DMD: variants seen among roughly 807,000 people sequenced by gnomAD.
The protein encoded by DMD is mutant dystrophin.
In DMD, 63 loss-of-function variants were observed where a neutral mutation model predicts 330.1. That is an observed-to-expected ratio of 0.19 (90% CI 0.16 to 0.24). DMD has a LOEUF of 0.24. Among genes scored for constraint, DMD ranks in the 10% least tolerant of loss-of-function variants. The pLI, the probability that DMD is intolerant of heterozygous loss-of-function variation, is 1.00. For synonymous variants in DMD, 1,223 were observed against 959.8 expected, an observed-to-expected ratio of 1.27 and a Z score of -5.07; for missense variants, 3,344 against 2,684.1, an observed-to-expected ratio of 1.25 and a Z score of -5.43.
At chrX:32,360,655 C>A (rs893053694) in intron 37 of DMD, among the ~76,000 whole-genome samples, 1 of 108,339 alleles carries the variant, frequency 9.2e-6, no homozygotes, top group African/African-American at 3.4e-5. Flanking sequence ...GGTGTCACGG[C>A]GCCCGCCCGT....
At chrX:31,622,586 CTA>C (rs1397695890) in intron 55 of DMD, among the ~76,000 whole-genome samples, 1 of 109,730 alleles carries the variant, frequency 9.1e-6, no homozygotes, top group Non-Finnish European at 1.9e-5. Context: ...TCTCTCTTTG[CTA>C]TGTTAGGACA....
At position 32,783,185 on chromosome X, in the gene DMD, AC is replaced by A. The variant is rs1260495742; in HGVS notation, c.649+26307del. On this transcript the variant is annotated intron_variant, in intron 7 of 78. Transcript: ENST00000357033. The stretch of plus-strand genomic sequence containing the variant: ...ATATATGGCATATACACACATATAT[AC>A]CATATATGTATACATATACACATAT... Among the ~76,000 whole-genome samples the A allele has an allele frequency of 3.1e-5, 3 of 95,417 alleles. No homozygotes were observed. In the Admixed American group the frequency reaches 3.4e-4, roughly 11 times the overall value. The allele number at this position is 95,417 out of a possible 115,157, so 82.9% of individuals were successfully genotyped here.
At chrX:32,568,190 A>G (rs1337243791) in intron 15 of DMD, among the ~76,000 whole-genome samples, 1 of 112,133 alleles carries the variant, frequency 8.9e-6, no homozygotes, top group Non-Finnish European at 1.9e-5. Context: ...TTTGGTAAGC[A>G]TTACAAAAAT....
rs1211479814 is a variant in DMD at position 32,336,044 on chromosome X, GTATATATAACGT to G, written c.5922+6044_5922+6055del. Among the ~76,000 whole-genome samples, 141 of 97,879 alleles carry G rather than the reference GTATATATAACGT, an allele frequency of 1.4e-3. 2 individuals carry two copies. The highest frequency in any genetic ancestry group is 5.8e-3 in the African/African-American group (137 of 23,673). The allele number at this position is 97,879 out of a possible 115,157, so 85.0% of individuals were successfully genotyped here. ...GTATATATAACGTTATATATAACGT[GTATATATAACGT>G]TATATATAACGTGTGTATAACATGT... On this transcript the variant is annotated intron_variant, in intron 41 of 78. Transcript: ENST00000357033.
chrX:31,932,635 A>C (rs1222880388), intron 45 of DMD, among the ~76,000 whole-genome samples: 3 of 111,368 alleles, frequency 2.7e-5, no homozygotes, highest in African/African-American at 9.8e-5. Context: ...AATCCCAGCT[A>C]CTAGGGAGGC....
intron 44 of DMD, among the ~76,000 whole-genome samples, chrX:32,161,015 A>G (rs886450323): frequency 6.3e-5 from 7 of 111,509 alleles, no homozygotes; most frequent in Non-Finnish European, 1.3e-4. Context: ...GGAACTCACA[A>G]AGACTTGGTG....
At chrX:32,407,062 C>G (rs149976886) in intron 30 of DMD, among the ~76,000 whole-genome samples, 2 of 110,601 alleles carry the variant, frequency 1.8e-5, no homozygotes, top group African/African-American at 3.3e-5. Context: ...GACATAGGCA[C>G]GGGCAAGGAC....
intron 7 of DMD, among the ~76,000 whole-genome samples, chrX:32,717,373 G>A (rs996110260): frequency 9.0e-6 from 1 of 111,352 alleles, no homozygotes; most frequent in African/African-American, 3.3e-5. Flanking sequence ...ATGTGTCTTG[G>A]GGTGTTGCTT....
Position 32,659,270 on chromosome X carries a change from T to C in DMD, c.961-14118A>G, listed in dbSNP as rs143145685. 1.8e-4 allele frequency among the ~76,000 whole-genome samples: 20 copies of C among 112,050 alleles called. No individual in the cohort carries two copies. The East Asian group carries it at 5.1e-3, about 28-fold the overall frequency. The stretch of plus-strand genomic sequence containing the variant: ...TCCCGTTACCTTTCACATATATCAC[T>C]AAATTCTGTGTGCTTTCTCTTTATT... On this transcript the variant is annotated intron_variant, in intron 9 of 78. Coordinates refer to ENST00000357033, the MANE Select transcript of DMD (RefSeq NM_004006.3).
chrX:32,689,689 G>A (rs2063133247), intron 9 of DMD, among the ~76,000 whole-genome samples: 1 of 110,639 alleles, frequency 9.0e-6, no homozygotes, highest in African/African-American at 3.3e-5. Flanking sequence ...ACATTAAAAG[G>A]ATCATATACC....
intron 2 of DMD, among the ~76,000 whole-genome samples, chrX:32,969,975 A>G (rs1427562238): frequency 2.5e-4 from 24 of 95,404 alleles, no homozygotes; most frequent in Non-Finnish European, 2.0e-5. Context: ...ATATGTAATT[A>G]TACTTTTAAT....
intron 45 of DMD, among the ~76,000 whole-genome samples, chrX:31,958,035 G>A (rs1433965497): frequency 1.8e-5 from 2 of 109,484 alleles, no homozygotes; most frequent in Non-Finnish European, 1.9e-5. Context: ...CAGGCTTTGA[G>A]GGTAGACAAT....
chrX:32,536,646 C>A (rs772089256), intron 17 of DMD, among the ~76,000 whole-genome samples: 1 of 112,220 alleles, frequency 8.9e-6, no homozygotes, highest in East Asian at 2.8e-4. Flanking sequence ...AATTGCCGAA[C>A]TTTCTTGACA....
At chrX:32,766,967 TTC>T (rs777475314) in intron 7 of DMD, among the ~76,000 whole-genome samples, 11 of 111,486 alleles carry the variant, frequency 9.9e-5, no homozygotes, top group Non-Finnish European at 1.7e-4. Flanking sequence ...CCAACACCAT[TTC>T]TCTGATTCAA....
intron 55 of DMD, among the ~76,000 whole-genome samples, chrX:31,556,366 C>CAA (rs370514351): frequency 3.6e-4 from 19 of 52,476 alleles, no homozygotes; most frequent in East Asian, 1.1e-3. Context: ...GACTCTGTAT[C>CAA]AAAAAAAAAA....
intron 47 of DMD, among the ~76,000 whole-genome samples, chrX:31,882,310 T>C (rs939943258): frequency 1.8e-5 from 2 of 111,968 alleles, no homozygotes; most frequent in Non-Finnish European, 3.8e-5. Flanking sequence ...GATGATCTTT[T>C]CAGTAAATAG....
At chrX:33,319,363 G>T (rs2053981493) in intron 1 of DMD, among the ~76,000 whole-genome samples, 1 of 111,132 alleles carries the variant, frequency 9.0e-6, no homozygotes, top group Non-Finnish European at 1.9e-5. Flanking sequence ...AGAAGGGAGG[G>T]GTGGGATAAT....
At chrX:32,332,242 T>G (rs1233488295) in intron 41 of DMD, among the ~76,000 whole-genome samples, 2 of 111,284 alleles carry the variant, frequency 1.8e-5, no homozygotes, top group African/African-American at 6.5e-5. Flanking sequence ...GTTTTGGGTG[T>G]TGAGGACACA....
chrX:32,704,250 A>C (rs7884929), intron 7 of DMD, among the ~76,000 whole-genome samples: 1 of 104,638 alleles, frequency 9.6e-6, no homozygotes, highest in Non-Finnish European at 1.9e-5. Context: ...CCTTAACCTC[A>C]TTCTCTCAGA....
Sources: gnomAD v4.1 joint callset for allele counts (sites outside exome capture counted in the v4.1 genomes callset) on GRCh38, gnomAD v4.1.1 for gene constraint, MANE v1.5 for transcripts, NCBI Gene and HGNC (gene_info 2026-07-23, HGNC 2026-07-21) for gene names.